SPIRE1: variants seen among roughly 807,000 people sequenced by gnomAD.
SPIRE1 encodes protein spire homolog 1.
Under a neutral mutation model 94.1 loss-of-function variants are expected in SPIRE1, and 40 were observed. That is an observed-to-expected ratio of 0.43 (90% CI 0.33 to 0.55). The LOEUF (loss-of-function observed/expected upper bound fraction) is 0.55. SPIRE1 is among the 20% of genes least tolerant of loss of function. The pLI is 0.06. For synonymous variants in SPIRE1, 376 were observed against 371.7 expected (o/e 1.01, Z -0.13); for missense variants, 838 against 975.2 (o/e 0.86, Z 1.87).
chr18:12,515,443 G>A (rs2034169508), intron 4 of SPIRE1, among the ~76,000 whole-genome samples: 1 of 152,142 alleles, frequency 6.6e-6, no homozygotes, highest in African/African-American at 2.4e-5. Flanking sequence ...TTCAGCCTGG[G>A]AGGTTGCGGC....
At chr18:12,605,512 T>C (rs1241633972) in intron 2 of SPIRE1, among the ~76,000 whole-genome samples, 2 of 151,900 alleles carry the variant, frequency 1.3e-5, no homozygotes, top group Admixed American at 1.3e-4. Flanking sequence ...CTCAAAAAAA[T>C]AAAAAATTAA....
chr18:12,579,737 A>G (rs1169348905), intron 2 of SPIRE1, among the ~76,000 whole-genome samples: 1 of 152,212 alleles, frequency 6.6e-6, no homozygotes, highest in East Asian at 1.9e-4. Context: ...AGGGGTTACA[A>G]AAATTTCCAA....
At chr18:12,642,249 C>A (rs915327310) in intron 1 of SPIRE1, among the ~76,000 whole-genome samples, 3 of 152,182 alleles carry the variant, frequency 2.0e-5, no homozygotes, top group Non-Finnish European at 2.9e-5. Flanking sequence ...CTGACCCCCA[C>A]CCACAGACTC....
At chr18:12,636,926 G>A (rs1428969768) in intron 1 of SPIRE1, among the ~76,000 whole-genome samples, 1 of 152,074 alleles carries the variant, frequency 6.6e-6, no homozygotes, top group African/African-American at 2.4e-5. Flanking sequence ...AAGTACTACT[G>A]GACAGAAACA....
At chr18:12,639,907 T>C (rs1226150049) in intron 1 of SPIRE1, among the ~76,000 whole-genome samples, 2 of 151,772 alleles carry the variant, frequency 1.3e-5, no homozygotes, top group East Asian at 1.9e-4. Context: ...AGTCCCCTTA[T>C]GTCCCAGGAA....
At chr18:12,629,101 C>T (rs1409376157) in intron 2 of SPIRE1, among the ~76,000 whole-genome samples, 1 of 152,076 alleles carries the variant, frequency 6.6e-6, no homozygotes, top group Non-Finnish European at 1.5e-5. Flanking sequence ...TAACCTATTC[C>T]ACTTAAAATA....
At chr18:12,592,205 A>G in intron 2 of SPIRE1, among the ~76,000 whole-genome samples, 1 of 152,120 alleles carries the variant, frequency 6.6e-6, no homozygotes, top group East Asian at 1.9e-4. Flanking sequence ...TTGAGTCTCA[A>G]GAAGAAAAAA....
intron 4 of SPIRE1, among the ~76,000 whole-genome samples, chr18:12,530,305 A>G (rs944152074): frequency 2.0e-4 from 30 of 152,312 alleles, no homozygotes; most frequent in African/African-American, 7.0e-4. Context: ...TAGTCACGCA[A>G]ATTTTATTTT....
At chr18:12,540,361 C>T (rs1026180766) in intron 3 of SPIRE1, among the ~76,000 whole-genome samples, 3 of 152,078 alleles carry the variant, frequency 2.0e-5, no homozygotes, top group Admixed American at 6.6e-5. Context: ...AGATGAACTA[C>T]CCCCCTCTAA....
At chr18:12,461,622 CAT>C (rs1375766554) in intron 12 of SPIRE1, among the ~76,000 whole-genome samples, 71 of 145,202 alleles carry the variant, frequency 4.9e-4, no homozygotes, top group African/African-American at 1.9e-3. Context: ...CACACATACA[CAT>C]ATGTGTGTAT....
At chr18:12,653,674 G>A (rs9964099) in intron 1 of SPIRE1, among the ~76,000 whole-genome samples, 4,551 of 152,270 alleles carry the variant, frequency 0.03, 239 homozygotes, top group African/African-American at 0.1. Context: ...CAGGCCGGGC[G>A]TGGTGGCTTA....
At chr18:12,564,325 G>A (rs1243955764) in intron 2 of SPIRE1, among the ~76,000 whole-genome samples, 1 of 152,064 alleles carries the variant, frequency 6.6e-6, no homozygotes, top group African/African-American at 2.4e-5. Context: ...ACTACTAGGA[G>A]AATAAAGGGG....
At chr18:12,471,101 A>G (rs1033256798) in intron 10 of SPIRE1, among the ~76,000 whole-genome samples, 2 of 137,414 alleles carry the variant, frequency 1.5e-5, no homozygotes, top group African/African-American at 3.0e-5. Flanking sequence ...CTCATCTTTC[A>G]GTAAAAAAAA....
intron 2 of SPIRE1, among the ~76,000 whole-genome samples, chr18:12,583,937 A>G (rs1263248482): frequency 6.6e-6 from 1 of 151,782 alleles, no homozygotes; most frequent in Non-Finnish European, 1.5e-5. Context: ...AAAAAAACAA[A>G]AACAAACAAA....
At chr18:12,660,709 G>A (rs910653091), upstream of SPIRE1, among the ~76,000 whole-genome samples, 3 of 151,966 alleles carry the variant, frequency 2.0e-5, no homozygotes, top group Non-Finnish European at 2.9e-5. Flanking sequence ...TTGAGAGGGA[G>A]ACATTACTGC....
chr18:12,485,934 G>C, intron 9 of SPIRE1, 25 bp downstream of exon 9: 1 of 1,518,030 alleles, frequency 6.6e-7, no homozygotes, highest in South Asian at 1.2e-5. Flanking sequence ...CACGTCAGGT[G>C]TAAAAGTGTT....
intron 1 of SPIRE1, among the ~76,000 whole-genome samples, chr18:12,654,224 C>T (rs1176235979): frequency 6.6e-6 from 1 of 150,694 alleles, no homozygotes; most frequent in Non-Finnish European, 1.5e-5. Flanking sequence ...GTAATCCCAG[C>T]TACTTGGGAG....
In SPIRE1 at chr18:12,580,840, C is replaced by T. The variant is rs116613860; in HGVS notation, c.373-33936G>A. ...GGCGGATTGCTTGGGTTTAGGAGTTCGACAAACGCTTTCTTCAGTTGGAGA... is the reference window on the plus strand; with the variant it reads ...GGCGGATTGCTTGGGTTTAGGAGTTTGACAAACGCTTTCTTCAGTTGGAGA... On this transcript the variant is annotated intron_variant, in intron 2 of 16. Transcript: ENST00000409402. 2.5e-3 allele frequency among the ~76,000 whole-genome samples: 376 copies of T among 152,112 alleles called. 3 individuals carry two copies. Among genetic ancestry groups the T allele is most frequent in the African/African-American group, 8.7e-3 (362 of 41,486 alleles).
At chr18:12,462,848 G>GAA (rs891107895) in intron 12 of SPIRE1, among the ~76,000 whole-genome samples, 1 of 143,506 alleles carries the variant, frequency 7.0e-6, no homozygotes, top group East Asian at 2.0e-4. Context: ...AAATTTTCTT[G>GAA]AAAAAAAAAA....
Sources: gnomAD v4.1 joint callset for allele counts (sites outside exome capture counted in the v4.1 genomes callset) on GRCh38, gnomAD v4.1.1 for gene constraint, MANE v1.5 for transcripts, NCBI Gene and HGNC (gene_info 2026-07-23, HGNC 2026-07-21) for gene names.